PDK1: variants seen among roughly 807,000 people sequenced by gnomAD.
The protein encoded by PDK1 is [Pyruvate dehydrogenase (acetyl-transferring)] kinase isozyme 1, mitochondrial.
PDK1 carries 39 observed loss-of-function variants against 54.2 expected under a neutral mutation model. That is an observed-to-expected ratio of 0.72 (90% confidence interval 0.56 to 0.94). The LOEUF (loss-of-function observed/expected upper bound fraction) is 0.94, where lower values mean the gene tolerates loss of function less well. Among genes scored for constraint, PDK1 ranks in the 40% least tolerant of loss-of-function variants. PDK1 has a pLI of 0.00. For synonymous variants in PDK1, 221 were observed against 207.1 expected, an observed-to-expected ratio of 1.07 and a Z score of -0.58; for missense variants, 552 against 566.0, an observed-to-expected ratio of 0.98 and a Z score of 0.25.
chr2:172,666,706 G>A, the PDK1 span, among the ~76,000 whole-genome samples: 4 of 152,184 alleles, frequency 2.6e-5, no homozygotes, highest in Admixed American at 2.6e-4. Context: ...GTCAGAGTAG[G>A]TGACCGGGGT....
the PDK1 span, among the ~76,000 whole-genome samples, chr2:172,689,332 G>A: frequency 6.6e-6 from 1 of 152,136 alleles, no homozygotes; most frequent in African/African-American, 2.4e-5. Flanking sequence ...ACAAACCACT[G>A]CTCAAGGAAA....
the PDK1 span, among the ~76,000 whole-genome samples, chr2:172,624,780 C>T: frequency 6.6e-6 from 1 of 152,224 alleles, no homozygotes; most frequent in South Asian, 2.1e-4. Context: ...GGGCGGATCA[C>T]CTGAGGTCAG....
chr2:172,624,722 G>T, the PDK1 span, among the ~76,000 whole-genome samples: 28 of 152,212 alleles, frequency 1.8e-4, no homozygotes, highest in Admixed American at 6.5e-5. Context: ...GGCAGGGCCA[G>T]ACGTGGTGGC....
At chr2:172,568,201 G>A (rs1481958700) in intron 6 of PDK1, among the ~76,000 whole-genome samples, 3 of 151,770 alleles carry the variant, frequency 2.0e-5, no homozygotes, top group East Asian at 1.9e-4. Context: ...GGTGGTTGGC[G>A]CCTGTAATCC....
At chr2:172,653,244 G>A in the PDK1 span, among the ~76,000 whole-genome samples, 1,083 of 152,172 alleles carry the variant, frequency 7.1e-3, 19 homozygotes, top group African/African-American at 0.025. Context: ...TTAATAAATG[G>A]TGCTGTGAAA....
At chr2:172,699,558 A>T in the PDK1 span, among the ~76,000 whole-genome samples, 301 of 149,738 alleles carry the variant, frequency 2.0e-3, no homozygotes, top group Middle Eastern at 6.8e-3. Flanking sequence ...AAGACCACTC[A>T]GTCTCTGTGG....
At chr2:172,649,709 G>A in the PDK1 span, among the ~76,000 whole-genome samples, 3 of 152,164 alleles carry the variant, frequency 2.0e-5, no homozygotes, top group Non-Finnish European at 2.9e-5. Context: ...TTCAGTAGCC[G>A]ATTTGATCAA....
the PDK1 span, among the ~76,000 whole-genome samples, chr2:172,683,599 A>G: frequency 6.6e-6 from 1 of 152,202 alleles, no homozygotes; most frequent in Non-Finnish European, 1.5e-5. Flanking sequence ...GGATATATAC[A>G]TTTGTAGTTT....
chr2:172,584,664 T>TG, intron 8 of PDK1, among the ~76,000 whole-genome samples: 1 of 148,656 alleles, frequency 6.7e-6, no homozygotes, highest in Non-Finnish European at 1.5e-5. Context: ...TTTTTTTTTT[T>TG]TTTAAATAGA....
the PDK1 span, among the ~76,000 whole-genome samples, chr2:172,625,871 G>A: frequency 6.6e-6 from 1 of 152,116 alleles, no homozygotes; most frequent in South Asian, 2.1e-4. Flanking sequence ...TATATCATAT[G>A]TACATATATG....
At chr2:172,663,139 CAGG>C in the PDK1 span, among the ~76,000 whole-genome samples, 1 of 152,226 alleles carries the variant, frequency 6.6e-6, no homozygotes, top group African/African-American at 2.4e-5. Flanking sequence ...AAAGTATCAA[CAGG>C]CTGGTTTCTT....
chr2:172,580,078 T>A (rs1382624567), intron 8 of PDK1, among the ~76,000 whole-genome samples: 1 of 69,202 alleles, frequency 1.4e-5, no homozygotes, highest in Non-Finnish European at 2.3e-5. Flanking sequence ...AAGGATATTA[T>A]TTTTTTTTAA....
chr2:172,682,232 G>A, the PDK1 span, among the ~76,000 whole-genome samples: 1 of 152,346 alleles, frequency 6.6e-6, no homozygotes, highest in African/African-American at 2.4e-5. Context: ...GGAACAACAA[G>A]GAGGCTGTGT....
At chr2:172,561,790 G>T (rs1319678578) in intron 2 of PDK1, among the ~76,000 whole-genome samples, 1 of 152,150 alleles carries the variant, frequency 6.6e-6, no homozygotes, top group Non-Finnish European at 1.5e-5. Flanking sequence ...TTAAAGCACA[G>T]ATATTTAAGA....
At chr2:172,668,278 A>C in the PDK1 span, among the ~76,000 whole-genome samples, 4,743 of 141,512 alleles carry the variant, frequency 0.034, 108 homozygotes, top group Middle Eastern at 0.055. Context: ...TTCTTTCTTT[A>C]TTTTTTTTTT....
chr2:172,634,348 C>G, the PDK1 span, among the ~76,000 whole-genome samples: 104 of 149,960 alleles, frequency 6.9e-4, no homozygotes, highest in Admixed American at 2.8e-3. Flanking sequence ...TCTCAGCTCA[C>G]TGGAAACTCT....
the PDK1 span, among the ~76,000 whole-genome samples, chr2:172,696,216 T>G: frequency 1.3e-5 from 2 of 151,212 alleles, no homozygotes; most frequent in African/African-American, 2.4e-5. Context: ...GAGAGCATTC[T>G]TCCCCAGTTG....
rs1691311814 is a variant in PDK1 at position 172,606,760 on chromosome 2, T to G, written c.*10791T>G. Reference sequence around the variant, plus strand: ...TTTTTAAAAAAAAAAAAAAACCTTTTTCATGTTGAAGTTCACATGACCTAC... The same window carrying G: ...TTTTTAAAAAAAAAAAAAAACCTTTGTCATGTTGAAGTTCACATGACCTAC... On this transcript the variant is annotated 3_prime_UTR_variant, in exon 11 of 11. Transcript: ENST00000282077. 6.6e-6 allele frequency: 1 copy of G among 152,036 alleles called. No individual in the cohort carries two copies. Among genetic ancestry groups the G allele is most frequent in the Non-Finnish European group, 1.5e-5 (1 of 68,022 alleles). The allele number at this position is 152,036 out of a possible 1,614,324, so 9.4% of individuals were successfully genotyped here. A position where few individuals can be genotyped will look rare whatever the true frequency, so the allele number is the denominator to read the frequency against.
chr2:172,626,126 C>T, the PDK1 span, among the ~76,000 whole-genome samples: 4 of 152,040 alleles, frequency 2.6e-5, no homozygotes, highest in African/African-American at 9.7e-5. Flanking sequence ...ATATCTTTGG[C>T]TTGGGGCAAA....
Sources: allele counts gnomAD v4.1 joint callset (sites outside exome capture counted in the v4.1 genomes callset), GRCh38; gene constraint gnomAD v4.1.1; transcripts MANE v1.5; gene names NCBI Gene and HGNC (gene_info 2026-07-23, HGNC 2026-07-21).